FBN1: variants seen among roughly 807,000 people sequenced by gnomAD.
FBN1 encodes the protein fibrillin-1.
A neutral mutation model predicts 365.1 loss-of-function variants in FBN1; 29 were observed. That is an observed-to-expected ratio of 0.08 (90% CI 0.06 to 0.11). The LOEUF is 0.11. Among genes scored for constraint, FBN1 ranks in the 10% least tolerant of loss-of-function variants. The probability of loss-of-function intolerance (pLI) is 1.00; values close to 1 mark genes in which losing one functional copy is unlikely to be tolerated. For synonymous variants in FBN1, 1,210 were observed against 1,270.5 expected, an observed-to-expected ratio of 0.95 and a Z score of 1.01; for missense variants, 2,476 against 3,703.2, an observed-to-expected ratio of 0.67 and a Z score of 8.60.
chr15:48,528,860 T>A (rs2043941250), intron 8 of FBN1: 1 of 152,220 alleles, frequency 6.6e-6, no homozygotes, highest in African/African-American at 2.4e-5. Context: ...TGTTTCTCAG[T>A]GGCATGGCTT....
chr15:48,566,762 G>A (rs1395020533), intron 6 of FBN1, among the ~76,000 whole-genome samples: 1 of 152,208 alleles, frequency 6.6e-6, no homozygotes, highest in Non-Finnish European at 1.5e-5. Flanking sequence ...TGGAGACCCA[G>A]AAAGGTCACA....
intron 50 of FBN1, among the ~76,000 whole-genome samples, chr15:48,440,900 GA>G (rs796766783): frequency 0.011 from 1,510 of 141,536 alleles, 30 homozygotes; most frequent in African/African-American, 0.036. Flanking sequence ...AAAAAACCAT[GA>G]AAAAAAAAAA....
At chr15:48,466,575 T>C (rs1156809455) in intron 38 of FBN1, among the ~76,000 whole-genome samples, 5 of 152,208 alleles carry the variant, frequency 3.3e-5, no homozygotes, top group Non-Finnish European at 7.4e-5. Context: ...AGCTATAAGA[T>C]CAGTTCTTTC....
At chr15:48,492,653 T>C (rs573618298) in intron 23 of FBN1, 67 bp from the exon 24 acceptor site, 19 of 1,235,888 alleles carry the variant, frequency 1.5e-5, no homozygotes, top group East Asian at 2.6e-5. Context: ...ATTCTACTCA[T>C]AGAGTCATAA....
At chr15:48,416,125 G>A (rs2042901847) in intron 63 of FBN1, among the ~76,000 whole-genome samples, 1 of 152,196 alleles carries the variant, frequency 6.6e-6, no homozygotes, top group African/African-American at 2.4e-5. Flanking sequence ...CCAACATGGG[G>A]CTGGTCCGTA....
At chr15:48,538,026 AC>A (rs1030828329) in intron 6 of FBN1, among the ~76,000 whole-genome samples, 11 of 152,212 alleles carry the variant, frequency 7.2e-5, no homozygotes, top group African/African-American at 2.4e-4. Flanking sequence ...ATCAGTTGTT[AC>A]CCACTTTGAA....
chr15:48,515,396 C>T lies in FBN1; in HGVS notation c.1459G>A (p.Glu487Lys). The T allele has an allele frequency of 6.2e-7, 1 of 1,613,940 alleles. No individual in the cohort carries two copies. The highest frequency in any genetic ancestry group is 8.5e-7 in the Non-Finnish European group (1 of 1,179,886). The change falls in exon 12 of 66, where the codon GAG (glutamate) becomes AAG (lysine). Residue 487 changes from glutamate to lysine, a missense_variant. By Grantham distance (56) the Glu-to-Lys change is moderately conservative. Around this residue, in one of 5 missense-constraint regions of FBN1, gnomAD observed 421 missense variants for 520.1 expected, o/e 0.81. Transcript: ENST00000316623. ...NKGFQLDLRGECIDVDECEKN... is the reference protein window; with the variant it reads ...NKGFQLDLRGKCIDVDECEKN... ...AGGATGGATCACGTACCAATACACT[C>T]CCCACGGAGGTCCAGCTGGAACCCT...
chr15:48,420,864 T>TG, intron 62 of FBN1, 58 bp from the exon 63 acceptor site: 1 of 1,604,810 alleles, frequency 6.2e-7, no homozygotes, highest in African/African-American at 1.3e-5. Flanking sequence ...TGAAGCCAGA[T>TG]GGATTCTAAT....
chr15:48,422,767 C>T (rs886128234), intron 60 of FBN1, among the ~76,000 whole-genome samples: 2 of 152,100 alleles, frequency 1.3e-5, no homozygotes, highest in African/African-American at 4.8e-5. Context: ...TGAGACCAGC[C>T]TGGGCAACAT....
At chr15:48,424,566 C>T (rs931513935) in intron 60 of FBN1, among the ~76,000 whole-genome samples, 1 of 151,722 alleles carries the variant, frequency 6.6e-6, no homozygotes, top group African/African-American at 2.4e-5. Context: ...AAAGACTCCA[C>T]TCTATCCTTT....
intron 6 of FBN1, among the ~76,000 whole-genome samples, chr15:48,542,982 T>C (rs1566923444): frequency 6.6e-6 from 1 of 152,230 alleles, no homozygotes; most frequent in Non-Finnish European, 1.5e-5. Context: ...CCACTCGACA[T>C]AACCCAGTAT....
intron 14 of FBN1, among the ~76,000 whole-genome samples, 193 bp from the exon 15 acceptor site, chr15:48,508,897 T>C (rs1566914955): frequency 6.6e-6 from 1 of 152,236 alleles, no homozygotes; most frequent in Non-Finnish European, 1.5e-5. Flanking sequence ...TCTCAAGTTC[T>C]TGAGTTTTGG....
intron 32 of FBN1, among the ~76,000 whole-genome samples, chr15:48,478,323 T>C (rs1406841629): frequency 1.3e-5 from 2 of 152,180 alleles, no homozygotes; most frequent in Admixed American, 1.3e-4. Flanking sequence ...CACTGACTGT[T>C]GGTGGTTGAA....
At chr15:48,572,536 A>C (rs1299635315) in intron 6 of FBN1, among the ~76,000 whole-genome samples, 1 of 147,404 alleles carries the variant, frequency 6.8e-6, no homozygotes, top group Non-Finnish European at 1.5e-5. Flanking sequence ...AAAAAAAAAC[A>C]AAGACCCCTC....
chr15:48,603,080 G>GAA (rs2140722919), intron 4 of FBN1, among the ~76,000 whole-genome samples: 1 of 152,270 alleles, frequency 6.6e-6, no homozygotes, highest in Non-Finnish European at 1.5e-5. Flanking sequence ...TGTTCAAGTT[G>GAA]AAAATCAGAA....
At chr15:48,457,242 G>A (rs1260433057) in intron 43 of FBN1, among the ~76,000 whole-genome samples, 1 of 152,272 alleles carries the variant, frequency 6.6e-6, no homozygotes, top group Admixed American at 6.5e-5. Flanking sequence ...CTTTAGAAAG[G>A]AGGTAAGTCA....
rs779749926 is a variant in FBN1, at chr15:48,432,881, G to A, written c.6724C>T (p.Arg2242Cys). 46 of 1,613,448 alleles carry A rather than the reference G, an allele frequency of 2.9e-5. No homozygotes were observed. Among genetic ancestry groups the A allele is most frequent in the African/African-American group, 4.0e-5 (3 of 74,864 alleles). Residue 2242 changes from arginine to cysteine, a missense_variant, in exon 55 of 66, where the codon CGT (arginine) becomes TGT (cysteine). Coordinates refer to ENST00000316623, the MANE Select transcript of FBN1 (RefSeq NM_000138.5). ...GATGACTCACCTTTGCACATCCTAC[G>A]GTCTTCTCTGAGCACATATCCCACG... Reference protein sequence around the residue: ...CPVGYVLREDRRMCKDEDECE... With the variant: ...CPVGYVLREDCRMCKDEDECE...
intron 29 of FBN1, among the ~76,000 whole-genome samples, chr15:48,486,509 C>G (rs1222858952): frequency 1.3e-5 from 2 of 152,226 alleles, no homozygotes; most frequent in African/African-American, 4.8e-5. Context: ...AAGCAAAATT[C>G]TTGTCCCACA....
At chr15:48,597,300 C>T (rs2044523558) in intron 5 of FBN1, among the ~76,000 whole-genome samples, 1 of 152,218 alleles carries the variant, frequency 6.6e-6, no homozygotes, top group African/African-American at 2.4e-5. Flanking sequence ...AGCTGCTGTA[C>T]CTTCAGATCT....
Sources: allele counts gnomAD v4.1 joint callset (sites outside exome capture counted in the v4.1 genomes callset), GRCh38; gene constraint gnomAD v4.1.1; regional missense constraint gnomAD v4.1.1; transcripts MANE v1.5; gene names NCBI Gene and HGNC (gene_info 2026-07-23, HGNC 2026-07-21).